The following UIMC1 variants were observed in gnomAD, a reference collection of about 807,000 sequenced individuals.
UIMC1 encodes BRCA1-A complex subunit RAP80.
A neutral mutation model predicts 84.9 loss-of-function variants in UIMC1; 42 were observed. The ratio of observed to expected loss-of-function variants is 0.49; its 90% CI spans 0.39 to 0.64. UIMC1 has a LOEUF of 0.64. Among genes scored for constraint, UIMC1 ranks in the 30% least tolerant of loss-of-function variants. UIMC1 has a pLI of 0.00. For missense variants in UIMC1, 825 were observed against 847.6 expected, an observed-to-expected ratio of 0.97 and a Z score of 0.33; for synonymous variants, 281 against 293.0, an observed-to-expected ratio of 0.96 and a Z score of 0.42.
intron 1 of UIMC1, among the ~76,000 whole-genome samples, chr5:176,994,510 TAAAAAAAAAAAA>T (rs58699518): frequency 4.6e-4 from 63 of 138,352 alleles, no homozygotes; most frequent in Non-Finnish European, 5.3e-4. Context: ...GCAGTTTCTT[TAAAAAAAAAAAA>T]AAAAAAAAAG....
chr5:176,953,322 G>A (rs1450865878), intron 8 of UIMC1, among the ~76,000 whole-genome samples: 3 of 152,168 alleles, frequency 2.0e-5, no homozygotes, highest in Non-Finnish European at 4.4e-5. Context: ...CACTATACCT[G>A]CTGTACCTCT....
At position 176,942,314 on chromosome 5, in the gene UIMC1, T is replaced by C. The variant is rs187946492; in HGVS notation, c.1597+1021A>G. Among the ~76,000 whole-genome samples, 238 of 152,266 alleles carry C rather than the reference T, an allele frequency of 1.6e-3. 2 individuals are homozygous for C. The highest frequency in any genetic ancestry group is 2.7e-3 in the Non-Finnish European group (183 of 68,008). ...AAACCTACAAGGGGTTTATTCTGAATGAAAAACGTGGAACTTAGTTCAAGT... is the reference window on the plus strand; with the variant it reads ...AAACCTACAAGGGGTTTATTCTGAACGAAAAACGTGGAACTTAGTTCAAGT... On this transcript the variant is annotated intron_variant, in intron 10 of 14. Coordinates refer to ENST00000511320, the MANE Select transcript of UIMC1 (RefSeq NM_001199298.2).
intron 1 of UIMC1, among the ~76,000 whole-genome samples, chr5:177,001,232 T>G (rs1024845495): frequency 3.3e-5 from 5 of 152,204 alleles, no homozygotes; most frequent in Non-Finnish European, 7.3e-5. Context: ...CATATAGATA[T>G]CCAGTTTTCT....
At chr5:176,914,049 T>TACCACACCACACCAC (rs1760644475) in intron 10 of UIMC1, among the ~76,000 whole-genome samples, 1 of 148,780 alleles carries the variant, frequency 6.7e-6, no homozygotes, top group African/African-American at 2.6e-5. Flanking sequence ...CACCATACCA[T>TACCACACCACACCAC]ACCATACCAT....
chr5:176,960,695 G>C (rs1341991991), intron 6 of UIMC1, among the ~76,000 whole-genome samples: 3 of 73,604 alleles, frequency 4.1e-5, no homozygotes, highest in Non-Finnish European at 7.3e-5. Flanking sequence ...ATGCGGAGCC[G>C]AAGCTGGACT....
At chr5:177,017,134 G>A (rs1391316636) in intron 1 of UIMC1, among the ~76,000 whole-genome samples, 2 of 152,232 alleles carry the variant, frequency 1.3e-5, no homozygotes, top group Non-Finnish European at 2.9e-5. Context: ...GCTGGGCTTG[G>A]TAGTTCCACA....
chr5:176,967,507 A>T (rs1274027999), intron 6 of UIMC1, among the ~76,000 whole-genome samples: 2 of 152,184 alleles, frequency 1.3e-5, no homozygotes, highest in Non-Finnish European at 1.5e-5. Context: ...CTGGCTGGCT[A>T]GGTGATAGGG....
chr5:176,922,224 G>A (rs908560201), intron 10 of UIMC1, among the ~76,000 whole-genome samples: 56 of 152,150 alleles, frequency 3.7e-4, no homozygotes, highest in African/African-American at 1.3e-3. Context: ...ACTGACTTGT[G>A]TTTAGTACTG....
upstream of UIMC1, chr5:177,006,856 C>G (rs976716843): frequency 1.3e-5 from 2 of 152,182 alleles, no homozygotes; most frequent in Non-Finnish European, 2.9e-5. Flanking sequence ...GCGCGGGAGG[C>G]GCTGACCGCC....
intron 1 of UIMC1, among the ~76,000 whole-genome samples, chr5:177,021,611 G>A (rs2149558173): frequency 6.6e-6 from 1 of 152,140 alleles, no homozygotes; most frequent in Non-Finnish European, 1.5e-5. Context: ...GAGGTTAAGG[G>A]AAGTCAGATT....
At chr5:176,975,320 A>T in intron 3 of UIMC1, 76 bp downstream of exon 3, 1 of 1,427,880 alleles carries the variant, frequency 7.0e-7, no homozygotes. Context: ...AATGCAACAT[A>T]ATCAACTAGT....
chr5:176,905,985 A>G (rs770001578), intron 14 of UIMC1, 26 bp downstream of exon 14: 5 of 1,613,894 alleles, frequency 3.1e-6, no homozygotes, highest in Non-Finnish European at 4.2e-6. Context: ...GCTGACAGCC[A>G]CAATTCAGTG....
At chr5:176,946,934 C>T (rs746849870) in intron 9 of UIMC1, among the ~76,000 whole-genome samples, 8 of 152,174 alleles carry the variant, frequency 5.3e-5, no homozygotes, top group Non-Finnish European at 1.0e-4. Flanking sequence ...TCTTTAATTA[C>T]TTAAAGTTGG....
In UIMC1 at chr5:176,910,246, C is replaced by T. The variant is rs192586572; in HGVS notation, c.1676+1065G>A. Among the ~76,000 whole-genome samples, 700 of 152,300 alleles carry T rather than the reference C, an allele frequency of 4.6e-3. 3 individuals are homozygous for T. Among genetic ancestry groups the T allele is most frequent in the Non-Finnish European group, 7.9e-3 (538 of 68,022 alleles). On this transcript the variant is annotated intron_variant, in intron 11 of 14. Coordinates refer to ENST00000511320, the MANE Select transcript of UIMC1 (RefSeq NM_001199298.2). ...GCTCAACTAAATTAGGGAAGACAGC[C>T]CTGAAACTCAGGGTCTAAGATCTGT...
chr5:176,928,691 C>T (rs1400761172), intron 10 of UIMC1, among the ~76,000 whole-genome samples: 2 of 152,204 alleles, frequency 1.3e-5, no homozygotes, highest in Admixed American at 6.5e-5. Flanking sequence ...GTGGCCCACG[C>T]CTGTAATCCC....
intron 10 of UIMC1, among the ~76,000 whole-genome samples, chr5:176,922,049 ACT>A (rs1257734320): frequency 1.3e-5 from 2 of 151,914 alleles, no homozygotes; most frequent in Non-Finnish European, 2.9e-5. Flanking sequence ...ACCTAGAATG[ACT>A]CTATTCAAAT....
At chr5:176,955,593 T>C (rs1766494256) in intron 8 of UIMC1, among the ~76,000 whole-genome samples, 1 of 152,158 alleles carries the variant, frequency 6.6e-6, no homozygotes, top group Admixed American at 6.5e-5. Context: ...TTTAAAACAA[T>C]TTAATTTAAA....
intron 9 of UIMC1, among the ~76,000 whole-genome samples, chr5:176,948,233 T>C (rs985273205): frequency 9.9e-5 from 15 of 152,200 alleles, no homozygotes; most frequent in Middle Eastern, 3.2e-3. Context: ...AAGTTGACTA[T>C]TGTCAGAAAT....
At chr5:176,948,470 C>T (rs150534943) in intron 9 of UIMC1, among the ~76,000 whole-genome samples, 12 of 152,188 alleles carry the variant, frequency 7.9e-5, no homozygotes, top group African/African-American at 2.4e-4. Context: ...ATTTCTGCCT[C>T]CATTTTACAT....
Sources: gnomAD v4.1 joint callset for allele counts (sites outside exome capture counted in the v4.1 genomes callset) on GRCh38, gnomAD v4.1.1 for gene constraint, MANE v1.5 for transcripts, NCBI Gene and HGNC (gene_info 2026-07-23, HGNC 2026-07-21) for gene names.